The following NIBAN1 variants were observed in gnomAD, a reference collection of about 807,000 sequenced individuals.
NIBAN1 encodes protein Niban 1.
NIBAN1 carries 81 observed loss-of-function variants against 75.1 expected under a neutral mutation model. The ratio of observed to expected loss-of-function variants is 1.08; its 90% CI spans 0.90 to 1.30. The LOEUF (loss-of-function observed/expected upper bound fraction) is 1.30. NIBAN1 is among the 50% of genes most tolerant of loss of function. The pLI, the probability that NIBAN1 is intolerant of heterozygous loss-of-function variation, is 0.00. For missense variants in NIBAN1, 1,133 were observed against 1,128.1 expected (o/e 1.00, Z -0.06); for synonymous variants, 436 against 424.8 (o/e 1.03, Z -0.32).
At chr1:184,923,199 T>C (rs1657604434) in intron 1 of NIBAN1, among the ~76,000 whole-genome samples, 1 of 152,230 alleles carries the variant, frequency 6.6e-6, no homozygotes, top group Non-Finnish European at 1.5e-5. Flanking sequence ...TACTTTGACA[T>C]CTTAGATTTA....
At chr1:184,840,738 G>A (rs1054587412) in intron 5 of NIBAN1, among the ~76,000 whole-genome samples, 6 of 150,298 alleles carry the variant, frequency 4.0e-5, no homozygotes, top group African/African-American at 9.8e-5. Context: ...GAAGGCTGTC[G>A]GAGACATCCT....
chr1:184,824,720 T>G (rs967908626), intron 6 of NIBAN1, among the ~76,000 whole-genome samples: 1 of 152,210 alleles, frequency 6.6e-6, no homozygotes, highest in Non-Finnish European at 1.5e-5. Context: ...TTTATAAAAA[T>G]GTAGAATGTT....
intron 1 of NIBAN1, among the ~76,000 whole-genome samples, chr1:184,971,035 C>A (rs549618367): frequency 3.9e-5 from 6 of 152,160 alleles, no homozygotes; most frequent in African/African-American, 1.4e-4. Flanking sequence ...CCTGTAATCC[C>A]AGCACTTTGG....
chr1:184,863,184 T>C (rs1655862545), intron 5 of NIBAN1, among the ~76,000 whole-genome samples: 1 of 152,238 alleles, frequency 6.6e-6, no homozygotes, highest in Admixed American at 6.5e-5. Context: ...CTATGAAGCT[T>C]TGAACACTAA....
intron 5 of NIBAN1, among the ~76,000 whole-genome samples, chr1:184,855,184 C>T (rs1444056463): frequency 6.6e-6 from 1 of 152,180 alleles, no homozygotes; most frequent in Non-Finnish European, 1.5e-5. Flanking sequence ...TAACTAGTTA[C>T]TAGTTATTAA....
At chr1:184,921,946 A>C (rs1323389200) in intron 1 of NIBAN1, among the ~76,000 whole-genome samples, 1 of 152,212 alleles carries the variant, frequency 6.6e-6, no homozygotes, top group African/African-American at 2.4e-5. Context: ...TTCTCTATAA[A>C]AGCAAATGCT....
At chr1:184,839,164 C>T (rs1004783146) in intron 5 of NIBAN1, among the ~76,000 whole-genome samples, 2 of 152,146 alleles carry the variant, frequency 1.3e-5, no homozygotes, top group Non-Finnish European at 2.9e-5. Context: ...TTAATATCCC[C>T]ACTTTACAGA....
chr1:184,936,569 T>C (rs554081143), intron 1 of NIBAN1, among the ~76,000 whole-genome samples: 69 of 152,360 alleles, frequency 4.5e-4, no homozygotes, highest in African/African-American at 1.5e-3. Context: ...CAGGCCCACC[T>C]GCCCTCTGGC....
chr1:184,895,346 T>C (rs1656770822), intron 2 of NIBAN1, among the ~76,000 whole-genome samples: 1 of 152,182 alleles, frequency 6.6e-6, no homozygotes, highest in African/African-American at 2.4e-5. Flanking sequence ...TTGTTAAAAA[T>C]GGGGCCTCAC....
intron 5 of NIBAN1, among the ~76,000 whole-genome samples, chr1:184,866,039 T>C (rs1655947374): frequency 6.6e-6 from 1 of 152,168 alleles, no homozygotes; most frequent in African/African-American, 2.4e-5. Context: ...CTACTTCCCA[T>C]GCTCCTTTAT....
chr1:184,972,919 A>C (rs1297501309), intron 1 of NIBAN1, among the ~76,000 whole-genome samples: 1 of 152,212 alleles, frequency 6.6e-6, no homozygotes, highest in East Asian at 1.9e-4. Context: ...CAGTGAAATA[A>C]AGTCTTATAT....
chr1:184,854,797 T>C (rs1211760842), intron 5 of NIBAN1, among the ~76,000 whole-genome samples: 1 of 152,226 alleles, frequency 6.6e-6, no homozygotes, highest in Non-Finnish European at 1.5e-5. Flanking sequence ...CCTGTTTCTA[T>C]TGTAGACAAT....
At chr1:184,885,758 T>A (rs933083387) in intron 4 of NIBAN1, among the ~76,000 whole-genome samples, 1 of 152,238 alleles carries the variant, frequency 6.6e-6, no homozygotes, top group African/African-American at 2.4e-5. Context: ...GCCATTTATG[T>A]CATCCTGACT....
At chr1:184,917,481 T>C (rs1657422485) in intron 1 of NIBAN1, among the ~76,000 whole-genome samples, 1 of 151,248 alleles carries the variant, frequency 6.6e-6, no homozygotes, top group African/African-American at 2.4e-5. Flanking sequence ...AGTGCTGGGA[T>C]TACAGGCGTG....
At chr1:184,891,017 G>A (rs1362435862) in intron 3 of NIBAN1, among the ~76,000 whole-genome samples, 2 of 152,166 alleles carry the variant, frequency 1.3e-5, no homozygotes, top group Non-Finnish European at 2.9e-5. Context: ...AACTAAGAAA[G>A]TTTGAGACCC....
At chr1:184,927,601 G>A (rs965160758) in intron 1 of NIBAN1, among the ~76,000 whole-genome samples, 12 of 152,104 alleles carry the variant, frequency 7.9e-5, no homozygotes, top group Admixed American at 3.3e-4. Flanking sequence ...TGGTCAGACC[G>A]GAAGCCAGGC....
In NIBAN1 at chr1:184,805,982, TGC is replaced by T. The variant is rs1454911639; in HGVS notation, c.1408_1409del (p.Ala470SerfsTer4). 4 of 1,614,094 alleles carry T rather than the reference TGC, an allele frequency of 2.5e-6. No individual in the cohort carries two copies. In the African/African-American group the frequency reaches 5.3e-5, roughly 22 times the overall value. On this transcript the variant is annotated frameshift_variant, in exon 11 of 14. Transcript: ENST00000367511. LOFTEE classifies it high-confidence loss of function. ...GGAGTTTAACCTTCTCAATGGCAAC[TGC>T]AGTTTTGGAGGCCTCTCCTTGGAGA... ...PHLQGEASKT[A>X]VAIEKVKLRV... is the part of the protein sequence containing the mutation.
chr1:184,914,301 A>G (rs1167140780), intron 1 of NIBAN1, among the ~76,000 whole-genome samples: 1 of 152,264 alleles, frequency 6.6e-6, no homozygotes, highest in African/African-American at 2.4e-5. Flanking sequence ...TTGAGGGAAT[A>G]TAACGGGATT....
At chr1:184,808,348 T>TCACTACTTGGATCCCTACATCTGTGA in intron 9 of NIBAN1, 113 bp from the exon 10 acceptor site, 1 of 1,080,522 alleles carries the variant, frequency 9.3e-7, no homozygotes, top group South Asian at 1.6e-5. Flanking sequence ...TTAAAGTGAA[T>TCACTACTTGGATCCCTACATCTGTGA]CACTACTTGG....
Sources: allele counts gnomAD v4.1 joint callset (sites outside exome capture counted in the v4.1 genomes callset), GRCh38; gene constraint gnomAD v4.1.1; transcripts MANE v1.5; gene names NCBI Gene and HGNC (gene_info 2026-07-23, HGNC 2026-07-21).